Variants in CFAP20DC observed in about 807,000 individuals in gnomAD.
CFAP20DC encodes protein CFAP20DC.
Under a neutral mutation model 101.7 loss-of-function variants are expected in CFAP20DC, and 84 were observed. That is an observed-to-expected ratio of 0.83 (90% CI 0.69 to 0.99). CFAP20DC has a LOEUF of 0.99. Among genes scored for constraint, CFAP20DC ranks in the 50% least tolerant of loss-of-function variants. The probability of loss-of-function intolerance (pLI) is 0.00; values close to 1 mark genes in which losing one functional copy is unlikely to be tolerated. For synonymous variants in CFAP20DC, 359 were observed against 351.2 expected (o/e 1.02, Z -0.25); for missense variants, 1,007 against 970.3 (o/e 1.04, Z -0.50).
intron 4 of CFAP20DC, among the ~76,000 whole-genome samples, chr3:59,024,189 A>G (rs767684656): frequency 6.6e-6 from 1 of 152,182 alleles, no homozygotes; most frequent in Non-Finnish European, 1.5e-5. Context: ...AGCCAAATTA[A>G]AGGGAGTCTA....
chr3:58,849,647 T>C (rs574032532), intron 12 of CFAP20DC, among the ~76,000 whole-genome samples: 1 of 152,208 alleles, frequency 6.6e-6, no homozygotes, highest in Non-Finnish European at 1.5e-5. Flanking sequence ...AAGGCATATT[T>C]TTTACTCATG....
intron 15 of CFAP20DC, 93 bp downstream of exon 15, chr3:58,806,302 T>A: frequency 1.2e-6 from 1 of 857,116 alleles, no homozygotes; most frequent in Non-Finnish European, 1.9e-6. Context: ...AAGCTAGAAG[T>A]TTTGGAAAAC....
intron 5 of CFAP20DC, among the ~76,000 whole-genome samples, chr3:58,933,969 T>C (rs1277200263): frequency 6.6e-6 from 1 of 151,718 alleles, no homozygotes. Context: ...TTCAAAAAAT[T>C]AATGAATCCA....
At chr3:58,771,691 C>G (rs1575600801) in intron 15 of CFAP20DC, among the ~76,000 whole-genome samples, 1 of 152,122 alleles carries the variant, frequency 6.6e-6, no homozygotes, top group South Asian at 2.1e-4. Flanking sequence ...TTCTTATCAC[C>G]AGAGATGGGG....
At position 58,813,990 on chromosome 3, in the gene CFAP20DC, G is replaced by T. The variant is rs1001449308; in HGVS notation, c.2176-7534C>A. On this transcript the variant is annotated intron_variant, in intron 14 of 16. Transcript: ENST00000482387. ...AGCAAAAAAGAAATTAGCAAGCAAAGGGCCTAACAGGTTCTCTGGACAAAC... is the reference window on the plus strand; with the variant it reads ...AGCAAAAAAGAAATTAGCAAGCAAATGGCCTAACAGGTTCTCTGGACAAAC... 2.3e-4 allele frequency among the ~76,000 whole-genome samples: 35 copies of T among 151,852 alleles called. 3 individuals are homozygous for T. Among genetic ancestry groups the T allele is most frequent in the African/African-American group, 7.8e-4 (32 of 41,196 alleles).
chr3:58,934,958 C>A (rs1189622847), intron 5 of CFAP20DC, among the ~76,000 whole-genome samples: 6 of 152,000 alleles, frequency 3.9e-5, no homozygotes, highest in Admixed American at 6.6e-5. Flanking sequence ...AGGGGTATTC[C>A]ATTAGGAAAA....
Position 58,869,356 on chromosome 3 carries a change from G to A in CFAP20DC, c.987C>T (p.His329=), listed in dbSNP as rs771406442. 1 of 1,613,090 alleles carries A rather than the reference G, an allele frequency of 6.2e-7. No homozygotes were observed. Among genetic ancestry groups the A allele is most frequent in the South Asian group, 1.1e-5 (1 of 90,996 alleles). Residue 329 remains histidine, a synonymous_variant, in exon 9 of 17, where the codon CAC becomes CAT. Transcript: ENST00000482387. The surrounding 1 kb of genome is among the most constrained non-coding windows in gnomAD (Gnocchi z 4.3). ...SEEQGNKENI[H]QIKQTVPIHA... ...GAATAGGTACAGTCTGCTTTATTTGGTGAATATTTTCTTTATTTCCTTGTT... is the reference window on the plus strand; with the variant it reads ...GAATAGGTACAGTCTGCTTTATTTGATGAATATTTTCTTTATTTCCTTGTT...
chr3:58,929,812 G>A (rs2086389598), intron 5 of CFAP20DC, among the ~76,000 whole-genome samples: 1 of 152,130 alleles, frequency 6.6e-6, no homozygotes, highest in South Asian at 2.1e-4. Flanking sequence ...TCATGGCCCT[G>A]TCTCTTTCCT....
chr3:58,753,925 C>T (rs2068745360), intron 15 of CFAP20DC, 62 bp from the exon 16 acceptor site: 1 of 1,167,188 alleles, frequency 8.6e-7, no homozygotes, highest in African/African-American at 1.6e-5. Context: ...TTAGGTTTCC[C>T]ATGGATTTTC....
At position 58,882,770 on chromosome 3, in the gene CFAP20DC, T is replaced by C. The variant is rs563319862; in HGVS notation, c.715+1775A>G. On this transcript the variant is annotated intron_variant, in intron 7 of 16. Coordinates refer to ENST00000482387, the MANE Select transcript of CFAP20DC (RefSeq NM_001394063.1). This position sits in a 1 kb window ranked among gnomAD's most constrained non-coding sequence, Gnocchi z 4.2. ...AGTAAGCATACAAATTCCCATTGTG[T>C]GTGCCTGCATTGCTATCAAAAAGTC... is the stretch of plus-strand genomic sequence containing the variant. Among the ~76,000 whole-genome samples, 2 of 152,334 alleles carry C rather than the reference T, an allele frequency of 1.3e-5. No homozygotes were observed. Among genetic ancestry groups the C allele is most frequent in the African/African-American group, 4.8e-5 (2 of 41,588 alleles).
At chr3:58,832,600 C>A (rs2076474322) in intron 13 of CFAP20DC, among the ~76,000 whole-genome samples, 1 of 152,056 alleles carries the variant, frequency 6.6e-6, no homozygotes, top group South Asian at 2.1e-4. Flanking sequence ...TAAAAGCCAT[C>A]AAGTAAAATT....
intron 15 of CFAP20DC, among the ~76,000 whole-genome samples, chr3:58,775,638 A>G (rs1245629866): frequency 1.3e-5 from 2 of 152,140 alleles, no homozygotes; most frequent in Non-Finnish European, 2.9e-5. Context: ...GGTATATAGT[A>G]GTCACTCAAT....
intron 5 of CFAP20DC, among the ~76,000 whole-genome samples, chr3:58,915,789 G>A (rs954983010): frequency 6.6e-6 from 1 of 152,096 alleles, no homozygotes; most frequent in Non-Finnish European, 1.5e-5. Context: ...ACAGTTCTTT[G>A]TCACCCTACC....
At chr3:58,941,265 G>A (rs1477412721) in intron 4 of CFAP20DC, among the ~76,000 whole-genome samples, 1 of 145,586 alleles carries the variant, frequency 6.9e-6, no homozygotes, top group Non-Finnish European at 1.5e-5. Flanking sequence ...GGAGGTGGAG[G>A]CTGCAGTGAG....
chr3:59,033,298 A>G (rs867489548), intron 4 of CFAP20DC, among the ~76,000 whole-genome samples: 1 of 152,300 alleles, frequency 6.6e-6, no homozygotes, highest in African/African-American at 2.4e-5. Flanking sequence ...TCTCCTCCAA[A>G]GAATCACAAC....
intron 16 of CFAP20DC, among the ~76,000 whole-genome samples, chr3:58,752,425 G>A (rs2068639228): frequency 6.6e-6 from 1 of 152,116 alleles, no homozygotes; most frequent in Admixed American, 6.6e-5. Context: ...GTTCTGTTTA[G>A]CTTCAACATA....
chr3:58,973,510 T>C (rs900176928), intron 4 of CFAP20DC, among the ~76,000 whole-genome samples: 2 of 152,324 alleles, frequency 1.3e-5, no homozygotes, highest in South Asian at 4.1e-4. Context: ...GCATCCAGGA[T>C]GACCATCTTA....
At chr3:58,937,553 G>A (rs2087881601) in intron 5 of CFAP20DC, 95 bp downstream of exon 5, 12 of 779,458 alleles carry the variant, frequency 1.5e-5, no homozygotes, top group South Asian at 6.3e-5. Context: ...TACCACCATC[G>A]TACTTAACAA....
chr3:58,717,153 TG>T (rs140721906), downstream of CFAP20DC, among the ~76,000 whole-genome samples: 100 of 151,920 alleles, frequency 6.6e-4, 1 homozygote, highest in Admixed American at 1.6e-3. The surrounding 1 kb of genome is among the most constrained non-coding windows in gnomAD (Gnocchi z 4.1). Flanking sequence ...TGAAGCAGTG[TG>T]ACATCTTGTG....
Sources: gnomAD v4.1 joint callset for allele counts (sites outside exome capture counted in the v4.1 genomes callset) on GRCh38, gnomAD v4.1.1 for gene constraint, Gnocchi (gnomAD v3.1) non-coding constraint, MANE v1.5 for transcripts, NCBI Gene and HGNC (gene_info 2026-07-23, HGNC 2026-07-21) for gene names.